PDLIM3: variants seen among roughly 807,000 people sequenced by gnomAD.
PDLIM3 encodes the protein PDZ and LIM domain protein 3.
A neutral mutation model predicts 37.3 loss-of-function variants in PDLIM3; 36 were observed. The ratio of observed to expected loss-of-function variants is 0.97; its 90% CI spans 0.74 to 1.28. The LOEUF (loss-of-function observed/expected upper bound fraction) is 1.28. Ranked by LOEUF, PDLIM3 falls within the 50% of genes most tolerant of loss-of-function variation. The pLI is 0.00. For missense variants in PDLIM3, 454 were observed against 485.0 expected (o/e 0.94, Z 0.60); for synonymous variants, 174 against 182.4 (o/e 0.95, Z 0.37).
At chr4:185,511,745 A>G (rs951535371) in intron 4 of PDLIM3, among the ~76,000 whole-genome samples, 1 of 152,216 alleles carries the variant, frequency 6.6e-6, no homozygotes, top group African/African-American at 2.4e-5. Context: ...AATTATTTGT[A>G]TATTTCAAAA....
intron 4 of PDLIM3, chr4:185,513,821 A>C: frequency 9.4e-7 from 1 of 1,062,048 alleles, no homozygotes; most frequent in Non-Finnish European, 1.1e-6. Flanking sequence ...GAAGATGATC[A>C]GTTTCTCTAC....
At chr4:185,508,175 G>A in intron 5 of PDLIM3, 124 bp downstream of exon 5, 2 of 956,408 alleles carry the variant, frequency 2.1e-6, no homozygotes, top group Non-Finnish European at 1.7e-6. Context: ...TAAATCCTTA[G>A]TATTTTAAAA....
rs200205633 is a variant in PDLIM3, at chr4:185,513,173, AG to A, written c.398+1096del. 42 of 964,238 alleles carry A rather than the reference AG, an allele frequency of 4.4e-5. No individual in the cohort carries two copies. In the East Asian group the frequency reaches 1.3e-3, roughly 29 times the overall value. 59.7% of individuals were successfully genotyped at this position (964,238 alleles called of 1,614,324 possible). ...CCTGCAGACACTGAGCTCACGTTCT[AG>A]GGGGGGGAAGATGTGTTTGCTCATG... On this transcript the variant is annotated intron_variant, in intron 4 of 7. Coordinates refer to ENST00000284767, the MANE Select transcript of PDLIM3 (RefSeq NM_014476.6).
chr4:185,509,585 A>G (rs2095703420), intron 4 of PDLIM3, among the ~76,000 whole-genome samples: 1 of 151,698 alleles, frequency 6.6e-6, no homozygotes, highest in African/African-American at 2.4e-5. Context: ...TGCATGAGAG[A>G]TACCAAGAGA....
chr4:185,506,737 A>C, intron 5 of PDLIM3, 85 bp from the exon 6 acceptor site: 1 of 1,310,392 alleles, frequency 7.6e-7, no homozygotes, highest in Non-Finnish European at 1.1e-6. Flanking sequence ...ATACTCAGCC[A>C]TTACTCTATG....
In PDLIM3 at chr4:185,500,828, T is replaced by C. The variant is rs548176737; in HGVS notation, c.*1466A>G. The C allele has an allele frequency of 1.3e-5, 2 of 152,290 alleles. No homozygotes were observed. Among genetic ancestry groups the C allele is most frequent in the African/African-American group, 4.8e-5 (2 of 41,546 alleles). 9.4% of individuals were successfully genotyped at this position (152,290 alleles called of 1,614,324 possible). A position where few individuals can be genotyped will look rare whatever the true frequency, so the allele number is the denominator to read the frequency against. On this transcript the variant is annotated 3_prime_UTR_variant, in exon 8 of 8. Coordinates refer to ENST00000284767, the MANE Select transcript of PDLIM3 (RefSeq NM_014476.6). ...TCAGAGTCAGTTAAGTTTGGAAGAA[T>C]CCCAGAGCAATAAAACTTGTGTCCC... is the stretch of plus-strand genomic sequence containing the variant.
At position 185,514,908 on chromosome 4, in the gene PDLIM3, A is replaced by C; in HGVS notation, c.331-571T>G. The C allele has an allele frequency of 3.2e-6, 5 of 1,544,626 alleles. No homozygotes were observed. The highest frequency in any genetic ancestry group is 3.5e-6 in the Non-Finnish European group (4 of 1,142,826). ...TTGAATTCCTGTACAATGGCAGACAAAATACACAGCCACACAGCGCACAAG... is the reference window on the plus strand; with the variant it reads ...TTGAATTCCTGTACAATGGCAGACACAATACACAGCCACACAGCGCACAAG... On this transcript the variant is annotated intron_variant, in intron 3 of 7. Coordinates refer to ENST00000284767, the MANE Select transcript of PDLIM3 (RefSeq NM_014476.6). The surrounding 1 kb of genome is among the most constrained non-coding windows in gnomAD (Gnocchi z 4.0).
intron 4 of PDLIM3, among the ~76,000 whole-genome samples, chr4:185,509,586 T>C (rs543308940): frequency 2.6e-5 from 4 of 151,760 alleles, no homozygotes. Flanking sequence ...GCATGAGAGA[T>C]ACCAAGAGAT....
intron 1 of PDLIM3, among the ~76,000 whole-genome samples, chr4:185,533,028 A>G (rs1355061915): frequency 2.0e-5 from 3 of 152,196 alleles, no homozygotes; most frequent in African/African-American, 7.2e-5. Context: ...ACCTAGCGTC[A>G]GAGCCTGTCC....
intron 1 of PDLIM3, among the ~76,000 whole-genome samples, chr4:185,526,499 A>G (rs935547268): frequency 9.2e-5 from 14 of 152,218 alleles, no homozygotes; most frequent in Non-Finnish European, 1.5e-4. Context: ...TATGGGAAAA[A>G]TATGGTTTCC....
At position 185,519,442 on chromosome 4, in the gene PDLIM3, C is replaced by T. The variant is rs150911885; in HGVS notation, c.330+3920G>A. 6.0e-3 allele frequency among the ~76,000 whole-genome samples: 911 copies of T among 152,000 alleles called. 8 individuals carry two copies. The highest frequency in any genetic ancestry group is 0.021 in the African/African-American group (878 of 41,454). On this transcript the variant is annotated intron_variant, in intron 3 of 7. Coordinates refer to ENST00000284767, the MANE Select transcript of PDLIM3 (RefSeq NM_014476.6). ...CTGGGACCACAGGCGTGTGCCACCA[C>T]ATCTGGCTAATTTTTTGTATTTCTA... is the stretch of plus-strand genomic sequence containing the variant.
At chr4:185,513,174 G>T (rs1050236091) in intron 4 of PDLIM3, 7 of 966,220 alleles carry the variant, frequency 7.2e-6, no homozygotes, top group African/African-American at 4.6e-5. Context: ...TCACGTTCTA[G>T]GGGGGGGAAG....
chr4:185,507,297 GT>G (rs757503787), intron 5 of PDLIM3, among the ~76,000 whole-genome samples: 2 of 152,108 alleles, frequency 1.3e-5, no homozygotes, highest in Non-Finnish European at 2.9e-5. Flanking sequence ...AAATAGCCAT[GT>G]TAAAATTCAT....
rs2095701116 is a variant in PDLIM3 at position 185,508,297 on chromosome 4, A to G, written c.662+2T>C. The stretch of plus-strand genomic sequence containing the variant: ...CCCATGGTTCAAAGAGACTCATATT[A>G]CCTCATCAAAGGTGTTTCCCCTAGG... On this transcript the variant is annotated splice_donor_variant, in intron 5 of 7. Transcript: ENST00000284767. LOFTEE classifies it high-confidence loss of function. The G allele has an allele frequency of 6.2e-7, 1 of 1,613,886 alleles. No individual in the cohort carries two copies. Among genetic ancestry groups the G allele is most frequent in the Non-Finnish European group, 8.5e-7 (1 of 1,179,750 alleles).
chr4:185,507,742 C>T (rs1000219862), intron 5 of PDLIM3, among the ~76,000 whole-genome samples: 2 of 152,006 alleles, frequency 1.3e-5, no homozygotes, highest in African/African-American at 4.8e-5. Flanking sequence ...AATTAAATAT[C>T]TACATTAACA....
At chr4:185,531,633 G>C (rs978533557) in intron 1 of PDLIM3, among the ~76,000 whole-genome samples, 6 of 152,116 alleles carry the variant, frequency 3.9e-5, no homozygotes, top group Non-Finnish European at 8.8e-5. Context: ...TATTGCTGTC[G>C]TCTGTATTTG....
intron 5 of PDLIM3, 148 bp from the exon 6 acceptor site, chr4:185,506,800 G>A (rs2095698343): frequency 1.5e-6 from 1 of 680,550 alleles, no homozygotes; most frequent in Non-Finnish European, 2.5e-6. Context: ...CTCTAGTATA[G>A]TTAAAAGCAT....
chr4:185,514,589 A>T lies in PDLIM3; in HGVS notation c.331-252T>A. ...TGCTTGTCTTTAAAAGAGAAATCTG[A>T]TAGTGCCTTCAGGAAAGTAAAAATA... is the stretch of plus-strand genomic sequence containing the variant. On this transcript the variant is annotated intron_variant, in intron 3 of 7. Transcript: ENST00000284767. This position sits in a 1 kb window ranked among gnomAD's most constrained non-coding sequence, Gnocchi z 4.0. 1 of 1,266,466 alleles carries T rather than the reference A, an allele frequency of 7.9e-7. No homozygotes were observed. The highest frequency in any genetic ancestry group is 1.5e-5 in the African/African-American group (1 of 65,924). 78.5% of individuals were successfully genotyped at this position (1,266,466 alleles called of 1,614,324 possible). A position where few individuals can be genotyped will look rare whatever the true frequency, so the allele number is the denominator to read the frequency against.
At chr4:185,508,242 C>T in intron 5 of PDLIM3, 57 bp downstream of exon 5, 1 of 1,533,980 alleles carries the variant, frequency 6.5e-7, no homozygotes, top group Non-Finnish European at 9.0e-7. Context: ...ACCAGTAAAG[C>T]TGACATTGCC....
Sources: gnomAD v4.1 joint callset for allele counts (sites outside exome capture counted in the v4.1 genomes callset) on GRCh38, gnomAD v4.1.1 for gene constraint, Gnocchi (gnomAD v3.1) non-coding constraint, MANE v1.5 for transcripts, NCBI Gene and HGNC (gene_info 2026-07-23, HGNC 2026-07-21) for gene names.